Variants in AP4S1 observed in about 807,000 individuals in gnomAD.
AP4S1 encodes AP-4 complex subunit sigma-1.
Under a neutral mutation model 19.8 loss-of-function variants are expected in AP4S1, and 23 were observed. That is an observed-to-expected ratio of 1.16 (90% CI 0.84 to 1.65). AP4S1 has a LOEUF of 1.65. Among genes scored for constraint, AP4S1 ranks in the 40% most tolerant of loss-of-function variants. The pLI, the probability that AP4S1 is intolerant of heterozygous loss-of-function variation, is 0.00. For synonymous variants in AP4S1, 46 were observed against 54.1 expected (o/e 0.85, Z 0.66); for missense variants, 166 against 172.8 (o/e 0.96, Z 0.22).
At chr14:31,090,300 G>T (rs1888043621) in intron 5 of AP4S1, among the ~76,000 whole-genome samples, 1 of 152,140 alleles carries the variant, frequency 6.6e-6, no homozygotes, top group Non-Finnish European at 1.5e-5. Flanking sequence ...TTCAATCACT[G>T]TAATTAAAAA....
intron 1 of AP4S1, among the ~76,000 whole-genome samples, chr14:31,043,814 C>G (rs1378051774): frequency 6.6e-6 from 1 of 152,130 alleles, no homozygotes; most frequent in Admixed American, 6.5e-5. Context: ...AATTCAGAAA[C>G]AGCTAAATTA....
chr14:31,050,428 A>G (rs1041099443), intron 1 of AP4S1, among the ~76,000 whole-genome samples: 1 of 152,006 alleles, frequency 6.6e-6, no homozygotes, highest in Admixed American at 6.6e-5. Context: ...ATGAATACTT[A>G]TATCTCTCTG....
At chr14:31,058,517 CTGTGTGTGTATGTGTGTGTG>C (rs71112378) in intron 1 of AP4S1, among the ~76,000 whole-genome samples, 15,113 of 139,396 alleles carry the variant, frequency 0.11, 1,055 homozygotes, top group Non-Finnish European at 0.15. Flanking sequence ...TTCCCCATCT[CTGTGTGTGTATGTGTGTGTG>C]TGTGTGTGTG....
At chr14:31,028,932 G>A (rs895464848) in intron 1 of AP4S1, among the ~76,000 whole-genome samples, 1 of 152,150 alleles carries the variant, frequency 6.6e-6, no homozygotes, top group Non-Finnish European at 1.5e-5. Context: ...TGGTTGACCT[G>A]ATGATAGCAT....
chr14:31,049,428 A>AAATATATATAT (rs1384450221), intron 1 of AP4S1, among the ~76,000 whole-genome samples: 7 of 57,742 alleles, frequency 1.2e-4, no homozygotes, highest in Middle Eastern at 0.018. Flanking sequence ...AAAAAAAAAA[A>AAATATATATAT]ATATATATAT....
intron 1 of AP4S1, among the ~76,000 whole-genome samples, chr14:31,032,522 C>CTTT (rs1884460697): frequency 4.2e-5 from 5 of 118,312 alleles, no homozygotes; most frequent in South Asian, 3.6e-4. Context: ...CCAGAATGTA[C>CTTT]ATTTTTTTTT....
At chr14:31,079,544 G>A (rs1260394191) in intron 4 of AP4S1, among the ~76,000 whole-genome samples, 2 of 152,014 alleles carry the variant, frequency 1.3e-5, no homozygotes, top group Admixed American at 6.6e-5. Context: ...GTATTTTTTG[G>A]CCAGGTATGA....
At chr14:31,091,850 T>C (rs573515041) in intron 5 of AP4S1, among the ~76,000 whole-genome samples, 2 of 152,342 alleles carry the variant, frequency 1.3e-5, no homozygotes, top group African/African-American at 4.8e-5. Context: ...GTCAACTGTT[T>C]TTGTTTTTGT....
chr14:31,089,163 CAAAAA>C (rs34280899), intron 5 of AP4S1, among the ~76,000 whole-genome samples: 106 of 105,910 alleles, frequency 1.0e-3, no homozygotes, highest in African/African-American at 3.0e-3. Context: ...TTGTCTTAAC[CAAAAA>C]AAAAAAAAAA....
At chr14:31,047,492 G>A (rs1389870111) in intron 1 of AP4S1, among the ~76,000 whole-genome samples, 1 of 150,126 alleles carries the variant, frequency 6.7e-6, no homozygotes, top group Non-Finnish European at 1.5e-5. Context: ...GGTTCACGCC[G>A]TTCTCCTGCC....
chr14:31,061,893 G>A (rs1271823844), intron 1 of AP4S1, among the ~76,000 whole-genome samples: 2 of 151,952 alleles, frequency 1.3e-5, no homozygotes. Flanking sequence ...GCCCGCCTCG[G>A]CCTCCCAAAT....
At chr14:31,073,654 A>T (rs1488393126) in intron 4 of AP4S1, among the ~76,000 whole-genome samples, 1 of 150,082 alleles carries the variant, frequency 6.7e-6, no homozygotes, top group African/African-American at 2.5e-5. Context: ...CCCAGGCTGG[A>T]GTGCAGTGAC....
intron 4 of AP4S1, 183 bp downstream of exon 4, chr14:31,073,156 T>C (rs1766552664): frequency 1.6e-6 from 1 of 613,224 alleles, no homozygotes; most frequent in Non-Finnish European, 2.9e-6. Context: ...TACAAGCCTA[T>C]ACATGCCTGA....
chr14:31,085,057 G>A, intron 5 of AP4S1: 1 of 1,439,668 alleles, frequency 6.9e-7, no homozygotes, highest in African/African-American at 1.4e-5. Flanking sequence ...AGACTGGAAT[G>A]CAGCAGTACT....
At chr14:31,045,471 C>A (rs1594644959) in intron 1 of AP4S1, among the ~76,000 whole-genome samples, 5 of 152,210 alleles carry the variant, frequency 3.3e-5, no homozygotes, top group African/African-American at 1.2e-4. Context: ...TGACCCTTTC[C>A]CCCTTCACTT....
At chr14:31,084,675 GA>G (rs1454258698) in intron 5 of AP4S1, 1 of 1,581,324 alleles carries the variant, frequency 6.3e-7, no homozygotes, top group Non-Finnish European at 8.6e-7. Flanking sequence ...GAAGATTTGT[GA>G]AGCCTGTTTC....
rs536729779 is a variant in AP4S1, at chr14:31,036,178, A to G, written c.-72+10391A>G. On this transcript the variant is annotated intron_variant, in intron 1 of 5. Transcript: ENST00000542754. ...ATTGTTGCATCACGAATTAGTAACA[A>G]AAAAGAAAAAAATAATAATTTAATA... Among the ~76,000 whole-genome samples the G allele has an allele frequency of 2.1e-5, 3 of 143,836 alleles. No homozygotes were observed. In the East Asian group the frequency reaches 5.9e-4, roughly 28 times the overall value. The allele number at this position is 143,836 out of a possible 152,430, so 94.4% of individuals were successfully genotyped here.
At chr14:31,088,344 A>G (rs937907597) in intron 5 of AP4S1, among the ~76,000 whole-genome samples, 2 of 152,160 alleles carry the variant, frequency 1.3e-5, no homozygotes, top group Non-Finnish European at 2.9e-5. Flanking sequence ...GCAAGTTATG[A>G]GAAGCAAGAG....
intron 1 of AP4S1, among the ~76,000 whole-genome samples, chr14:31,037,427 C>CT (rs34291198): frequency 0.26 from 39,542 of 151,914 alleles, 5,348 homozygotes; most frequent in South Asian, 0.33. Context: ...ATCACCACTA[C>CT]TTTCTTTGCT....
Sources: allele counts gnomAD v4.1 joint callset (sites outside exome capture counted in the v4.1 genomes callset), GRCh38; gene constraint gnomAD v4.1.1; transcripts MANE v1.5; gene names NCBI Gene and HGNC (gene_info 2026-07-23, HGNC 2026-07-21).